BCL2: variants seen among roughly 807,000 people sequenced by gnomAD.
BCL2 encodes the protein BCL2 apoptosis regulator.
BCL2 carries 1 observed loss-of-function variant against 14.2 expected under a neutral mutation model. That is an observed-to-expected ratio of 0.07 (90% confidence interval 0.02 to 0.33). BCL2 has a LOEUF of 0.33. BCL2 is among the 10% of genes least tolerant of loss of function. BCL2 has a pLI of 0.99. For missense variants in BCL2, 247 were observed against 305.9 expected (o/e 0.81, Z 1.44); for synonymous variants, 151 against 137.2 (o/e 1.10, Z -0.70).
chr18:63,294,752 A>T (rs1448782481), intron 2 of BCL2, among the ~76,000 whole-genome samples: 2 of 152,224 alleles, frequency 1.3e-5, no homozygotes, highest in East Asian at 3.8e-4. Flanking sequence ...AGAAGGTATA[A>T]GACAGGGAAA....
rs542214467 is a variant in BCL2 at position 63,275,562 on chromosome 18, G to A, written c.585+42520C>T. 3.9e-5 allele frequency among the ~76,000 whole-genome samples: 6 copies of A among 152,314 alleles called. No homozygotes were observed. In the South Asian group the frequency reaches 1.0e-3, roughly 26 times the overall value. On this transcript the variant is annotated intron_variant, in intron 2 of 2. Transcript: ENST00000333681. Reference sequence around the variant, plus strand: ...ATTTTGAGAGTGCCCCGAGTGTCACGAATAATGAGCTTCATATTGTCGAAA... The same window carrying A: ...ATTTTGAGAGTGCCCCGAGTGTCACAAATAATGAGCTTCATATTGTCGAAA...
chr18:63,218,718 A>C (rs1910287460), intron 2 of BCL2, among the ~76,000 whole-genome samples: 7 of 20,434 alleles, frequency 3.4e-4, no homozygotes, highest in Non-Finnish European at 4.6e-4. Flanking sequence ...CCCATCCTCC[A>C]CTCCTCCCCA....
intron 2 of BCL2, among the ~76,000 whole-genome samples, chr18:63,211,174 G>A (rs948933610): frequency 2.1e-5 from 3 of 140,964 alleles, no homozygotes; most frequent in African/African-American, 5.2e-5. Context: ...GGGTTCCAGC[G>A]ATTCTCCCGA....
At chr18:63,217,994 G>T (rs1265145131) in intron 2 of BCL2, among the ~76,000 whole-genome samples, 1 of 152,118 alleles carries the variant, frequency 6.6e-6, no homozygotes, top group Non-Finnish European at 1.5e-5. Context: ...AAAAAAGGAA[G>T]GAAGGGAGGG....
chr18:63,252,356 C>G (rs1426911543), intron 2 of BCL2, among the ~76,000 whole-genome samples: 1 of 152,142 alleles, frequency 6.6e-6, no homozygotes, highest in African/African-American at 2.4e-5. Flanking sequence ...CTGCATATGT[C>G]CTCATATCTT....
chr18:63,229,763 C>T (rs973956904), intron 2 of BCL2, among the ~76,000 whole-genome samples: 50 of 152,162 alleles, frequency 3.3e-4, no homozygotes, highest in Admixed American at 1.3e-4. Flanking sequence ...ACCCAGTCTC[C>T]GGTGTTCCTC....
At chr18:63,295,020 C>G (rs1157847972) in intron 2 of BCL2, among the ~76,000 whole-genome samples, 1 of 149,048 alleles carries the variant, frequency 6.7e-6, no homozygotes, top group African/African-American at 2.4e-5. Flanking sequence ...AAAAAATTAG[C>G]CAGGCATGGT....
At chr18:63,290,242 G>A (rs758486989) in intron 2 of BCL2, among the ~76,000 whole-genome samples, 4 of 152,182 alleles carry the variant, frequency 2.6e-5, no homozygotes, top group Non-Finnish European at 5.9e-5. Flanking sequence ...CTGCCAACAG[G>A]AAGTCCAGAT....
At position 63,319,708 on chromosome 18, in the gene BCL2, C is replaced by G. The variant is rs963396898; in HGVS notation, c.-821G>C. On this transcript the variant is annotated 5_prime_UTR_variant, in exon 1 of 3. Coordinates refer to ENST00000333681, the MANE Select transcript of BCL2 (RefSeq NM_000633.3). ...AGCTGCTGGATAAATGAAGGCAGGACGCGCCTGGCCCGCCGGTGCCGAGCG... is the reference window on the plus strand; with the variant it reads ...AGCTGCTGGATAAATGAAGGCAGGAGGCGCCTGGCCCGCCGGTGCCGAGCG... 1 of 211,060 alleles carries G rather than the reference C, an allele frequency of 4.7e-6. No individual in the cohort carries two copies. The highest frequency in any genetic ancestry group is 2.3e-5 in the African/African-American group (1 of 44,024). 13.1% of individuals were successfully genotyped at this position (211,060 alleles called of 1,614,324 possible).
intron 2 of BCL2, among the ~76,000 whole-genome samples, chr18:63,286,031 T>A (rs975585793): frequency 1.3e-5 from 2 of 152,210 alleles, no homozygotes; most frequent in African/African-American, 4.8e-5. Context: ...CTGAACTATG[T>A]CCTGCTCTTA....
chr18:63,190,969 T>A (rs1909275403), intron 2 of BCL2, among the ~76,000 whole-genome samples: 1 of 152,222 alleles, frequency 6.6e-6, no homozygotes. Context: ...TTTCTGTTCC[T>A]GTGTTAGTTT....
At chr18:63,212,479 G>A (rs1335270308) in intron 2 of BCL2, among the ~76,000 whole-genome samples, 1 of 151,812 alleles carries the variant, frequency 6.6e-6, no homozygotes, top group African/African-American at 2.4e-5. Context: ...TCATTTTAGA[G>A]ATCAGAAAAC....
At chr18:63,275,331 T>A (rs965495159) in intron 2 of BCL2, among the ~76,000 whole-genome samples, 1 of 152,100 alleles carries the variant, frequency 6.6e-6, no homozygotes, top group African/African-American at 2.4e-5. Flanking sequence ...TTAGATTTCA[T>A]GAAAACACAC....
intron 2 of BCL2, among the ~76,000 whole-genome samples, chr18:63,203,686 GCA>G (rs139308781): frequency 5.5e-4 from 82 of 148,888 alleles, no homozygotes; most frequent in African/African-American, 1.2e-3. Context: ...ATATGCACAC[GCA>G]CACACACACA....
intron 2 of BCL2, among the ~76,000 whole-genome samples, chr18:63,200,671 A>G (rs575030138): frequency 1.3e-5 from 2 of 152,328 alleles, no homozygotes; most frequent in African/African-American, 2.4e-5. Context: ...TCTATCACTC[A>G]GGCTGGAGTG....
chr18:63,171,180 T>C (rs531356933), intron 2 of BCL2, among the ~76,000 whole-genome samples: 59 of 152,338 alleles, frequency 3.9e-4, no homozygotes, highest in Non-Finnish European at 7.2e-4. Context: ...CATTTGACAA[T>C]GGCCAGAGTT....
chr18:63,196,569 T>C (rs1486932190), intron 2 of BCL2, among the ~76,000 whole-genome samples: 1 of 152,094 alleles, frequency 6.6e-6, no homozygotes, highest in East Asian at 1.9e-4. Flanking sequence ...TTTTTGGCTT[T>C]GAAATAAAAG....
intron 2 of BCL2, among the ~76,000 whole-genome samples, chr18:63,313,466 T>C (rs973442072): frequency 6.6e-6 from 1 of 152,256 alleles, no homozygotes; most frequent in African/African-American, 2.4e-5. Context: ...GTTACTGTTA[T>C]ACCTGAATAA....
At position 63,127,226 on chromosome 18, in the gene BCL2, C is replaced by T. The variant is rs1232710096; in HGVS notation, c.*1399G>A. 2 of 230,540 alleles carry T rather than the reference C, an allele frequency of 8.7e-6. No individual in the cohort carries two copies. Among genetic ancestry groups the T allele is most frequent in the Non-Finnish European group, 1.7e-5 (2 of 116,372 alleles). 14.3% of individuals were successfully genotyped at this position (230,540 alleles called of 1,614,324 possible). A position where few individuals can be genotyped will look rare whatever the true frequency, so the allele number is the denominator to read the frequency against. On this transcript the variant is annotated 3_prime_UTR_variant, in exon 3 of 3. Coordinates refer to ENST00000333681, the MANE Select transcript of BCL2 (RefSeq NM_000633.3). ...TTCTTTTAGGATTTGTGACCCTCTC[C>T]AAAGTCATTTAAAGCCTTGCTTTAA...
Sources: allele counts gnomAD v4.1 joint callset (sites outside exome capture counted in the v4.1 genomes callset), GRCh38; gene constraint gnomAD v4.1.1; transcripts MANE v1.5; gene names NCBI Gene and HGNC (gene_info 2026-07-23, HGNC 2026-07-21).